Variants in PACS1 observed in about 807,000 individuals in gnomAD.
The protein encoded by PACS1 is phosphofurin acidic cluster sorting protein 1.
In PACS1, 24 loss-of-function variants were observed where a neutral mutation model predicts 115.0. That is an observed-to-expected ratio of 0.21 (90% confidence interval 0.15 to 0.29). PACS1 has a LOEUF of 0.29. Among genes scored for constraint, PACS1 ranks in the 10% least tolerant of loss-of-function variants. The pLI is 1.00. For missense variants in PACS1, 838 were observed against 1,251.2 expected (o/e 0.67, Z 4.98); for synonymous variants, 453 against 504.5 (o/e 0.90, Z 1.37).
chr11:66,120,055 C>T (rs947353934), intron 1 of PACS1, among the ~76,000 whole-genome samples: 1 of 152,002 alleles, frequency 6.6e-6, no homozygotes, highest in Non-Finnish European at 1.5e-5. Context: ...GTAAGAATGA[C>T]CTCATGAGAA....
At chr11:66,107,290 A>G (rs471203) in intron 1 of PACS1, among the ~76,000 whole-genome samples, 144,523 of 152,164 alleles carry the variant, frequency 0.95, 68,986 homozygotes, top group Non-Finnish European at 1. Flanking sequence ...GTCATGGTTC[A>G]TTTTCACTCC....
chr11:66,215,621 T>C (rs1855182457), intron 4 of PACS1, among the ~76,000 whole-genome samples: 1 of 149,256 alleles, frequency 6.7e-6, no homozygotes, highest in Admixed American at 6.7e-5. Flanking sequence ...AAAAACAGGC[T>C]GGGTGCAGTG....
At position 66,124,139 on chromosome 11, in the gene PACS1, A is replaced by G. The variant is rs1590760679; in HGVS notation, c.356+53297A>G. Among the ~76,000 whole-genome samples, 3 of 152,354 alleles carry G rather than the reference A, an allele frequency of 2.0e-5. 1 individual carries two copies. The highest frequency in any genetic ancestry group is 3.4e-3 in the Middle Eastern group (1 of 294). Reference sequence around the variant, plus strand: ...AGTGGGAAGACAAATATTTAATCTCAAGTGTGCAAAATGCTGCCATAGAAC... The same window carrying G: ...AGTGGGAAGACAAATATTTAATCTCGAGTGTGCAAAATGCTGCCATAGAAC... On this transcript the variant is annotated intron_variant, in intron 1 of 23. Coordinates refer to ENST00000320580, the MANE Select transcript of PACS1 (RefSeq NM_018026.4).
At chr11:66,148,021 C>T (rs910487448) in intron 1 of PACS1, among the ~76,000 whole-genome samples, 1 of 151,474 alleles carries the variant, frequency 6.6e-6, no homozygotes, top group South Asian at 2.1e-4. Context: ...ATGAAATATA[C>T]GGCCATAATA....
chr11:66,138,596 C>T (rs138452363), intron 1 of PACS1, among the ~76,000 whole-genome samples: 5 of 152,168 alleles, frequency 3.3e-5, no homozygotes, highest in Admixed American at 6.6e-5. Flanking sequence ...CTAATCCCAG[C>T]CCTGATATTG....
At chr11:66,149,695 TG>T (rs1486022991) in intron 1 of PACS1, among the ~76,000 whole-genome samples, 5 of 152,122 alleles carry the variant, frequency 3.3e-5, no homozygotes, top group Non-Finnish European at 4.4e-5. Context: ...TGTGTGTGTG[TG>T]TGTGTGTGTG....
At chr11:66,188,227 C>T (rs538558119) in intron 1 of PACS1, among the ~76,000 whole-genome samples, 67 of 150,960 alleles carry the variant, frequency 4.4e-4, no homozygotes, top group African/African-American at 1.5e-3. Context: ...TTAATCCCCC[C>T]ATCAGATGAG....
chr11:66,206,063 G>A lies in PACS1; in HGVS notation c.445-4299G>A, dbSNP rs1044463080. 6.6e-5 allele frequency among the ~76,000 whole-genome samples: 10 copies of A among 152,086 alleles called. No homozygotes were observed. In the East Asian group the frequency reaches 1.5e-3, roughly 23 times the overall value. ...CTGGGGAGGCTGAGGCAGGAGAATC[G>A]CTTGAGCCTGGGAGGCGGAGGTTGC... On this transcript the variant is annotated intron_variant, in intron 2 of 23. Coordinates refer to ENST00000320580, the MANE Select transcript of PACS1 (RefSeq NM_018026.4).
intron 10 of PACS1, among the ~76,000 whole-genome samples, chr11:66,222,372 A>G (rs11605198): frequency 9.2e-5 from 14 of 152,220 alleles, no homozygotes; most frequent in Non-Finnish European, 1.5e-4. Context: ...GAGCAAGGGG[A>G]AAAGGGGGCA....
intron 2 of PACS1, among the ~76,000 whole-genome samples, chr11:66,194,338 C>T (rs1284511457): frequency 6.6e-6 from 1 of 152,310 alleles, no homozygotes; most frequent in African/African-American, 2.4e-5. Context: ...TTAAAGTTTA[C>T]TGGGATATTT....
At chr11:66,162,141 T>TG (rs1565129573) in intron 1 of PACS1, among the ~76,000 whole-genome samples, 6 of 132,962 alleles carry the variant, frequency 4.5e-5, no homozygotes, top group South Asian at 2.5e-4. Context: ...TTTTTTTTTT[T>TG]TTGAGACAGT....
At chr11:66,127,157 C>T (rs1389100002) in intron 1 of PACS1, among the ~76,000 whole-genome samples, 1 of 152,194 alleles carries the variant, frequency 6.6e-6, no homozygotes, top group Non-Finnish European at 1.5e-5. Context: ...CCCTCTGGTT[C>T]CTGTCTACAC....
At chr11:66,173,523 C>A (rs1859786199) in intron 1 of PACS1, among the ~76,000 whole-genome samples, 1 of 151,950 alleles carries the variant, frequency 6.6e-6, no homozygotes, top group Non-Finnish European at 1.5e-5. Context: ...GCTTGGCCAT[C>A]ATGGTGAAAC....
chr11:66,079,465 G>A (rs1857449587), intron 1 of PACS1, among the ~76,000 whole-genome samples: 1 of 151,734 alleles, frequency 6.6e-6, no homozygotes, highest in African/African-American at 2.4e-5. Flanking sequence ...ATGGCTTCAG[G>A]GTTTAGGGAG....
intron 1 of PACS1, among the ~76,000 whole-genome samples, chr11:66,155,484 C>T (rs1300200833): frequency 2.6e-5 from 4 of 152,162 alleles, no homozygotes; most frequent in Admixed American, 1.3e-4. Flanking sequence ...CCAGGAGCTA[C>T]ATAAAATACT....
intron 1 of PACS1, among the ~76,000 whole-genome samples, chr11:66,089,612 A>C (rs1447286594): frequency 6.6e-6 from 1 of 152,310 alleles, no homozygotes; most frequent in African/African-American, 2.4e-5. Flanking sequence ...TCTCCTCGAA[A>C]TAGAAATAAG....
intron 4 of PACS1, among the ~76,000 whole-genome samples, chr11:66,213,950 G>A (rs915580508): frequency 2.0e-5 from 3 of 147,230 alleles, no homozygotes; most frequent in Admixed American, 7.0e-5. Context: ...GGAGAATGGC[G>A]TGAACCCAGG....
intron 1 of PACS1, among the ~76,000 whole-genome samples, chr11:66,081,065 C>T (rs1857468012): frequency 2.0e-5 from 3 of 151,412 alleles, no homozygotes; most frequent in African/African-American, 7.3e-5. Flanking sequence ...CCCGTCTGTA[C>T]AAAAAATAGA....
intron 21 of PACS1, among the ~76,000 whole-genome samples, chr11:66,240,643 C>T (rs190203581): frequency 6.6e-6 from 1 of 152,130 alleles, no homozygotes; most frequent in Admixed American, 6.5e-5. Context: ...CAAGTTCTGC[C>T]CTGGGGACCT....
Sources: allele counts gnomAD v4.1 joint callset (sites outside exome capture counted in the v4.1 genomes callset), GRCh38; gene constraint gnomAD v4.1.1; transcripts MANE v1.5; gene names NCBI Gene and HGNC (gene_info 2026-07-23, HGNC 2026-07-21).